ZNF71: variants seen among roughly 807,000 people sequenced by gnomAD.
ZNF71 encodes zinc finger protein 71.
Under a neutral mutation model 6.7 loss-of-function variants are expected in ZNF71, and 3 were observed. That is an observed-to-expected ratio of 0.45 (90% CI 0.20 to 1.16). ZNF71 has a LOEUF of 1.16. Ranked by LOEUF, ZNF71 falls within the 50% of genes most tolerant of loss-of-function variation. ZNF71 has a pLI of 0.25. For synonymous variants in ZNF71, 343 were observed against 311.1 expected, an observed-to-expected ratio of 1.10 and a Z score of -1.08; for missense variants, 688 against 728.6, an observed-to-expected ratio of 0.94 and a Z score of 0.64.
At chr19:56,600,245 C>T (rs1288320839) in intron 1 of ZNF71, among the ~76,000 whole-genome samples, 2 of 12,470 alleles carry the variant, frequency 1.6e-4, no homozygotes, top group African/African-American at 4.7e-4. Flanking sequence ...GGTCGGACTG[C>T]GGACTGCAGT....
chr19:56,605,461 C>T (rs1568504634), intron 2 of ZNF71, among the ~76,000 whole-genome samples: 1 of 152,224 alleles, frequency 6.6e-6, no homozygotes, highest in East Asian at 1.9e-4. Flanking sequence ...CAGCTGCCAT[C>T]CAACTGCCAC....
At chr19:56,600,786 A>G (rs2044664676) in intron 1 of ZNF71, among the ~76,000 whole-genome samples, 1 of 152,160 alleles carries the variant, frequency 6.6e-6, no homozygotes, top group South Asian at 2.1e-4. Flanking sequence ...ATGTTAAGAT[A>G]TCTCTCCACT....
chr19:56,596,748 A>G (rs2044628515), intron 1 of ZNF71, among the ~76,000 whole-genome samples: 1 of 152,196 alleles, frequency 6.6e-6, no homozygotes, highest in Non-Finnish European at 1.5e-5. Context: ...TGACTCACCC[A>G]AGGCTACCTC....
At chr19:56,602,497 G>GATAATAAATGATAAT (rs2044678517) in intron 2 of ZNF71, among the ~76,000 whole-genome samples, 1 of 152,110 alleles carries the variant, frequency 6.6e-6, no homozygotes, top group Non-Finnish European at 1.5e-5. Context: ...GTGCAATATT[G>GATAATAAATGATAAT]CACCATGATA....
At position 56,622,349 on chromosome 19, in the gene ZNF71, C is replaced by T. The variant is rs1432917707; in HGVS notation, c.1242C>T (p.Phe414=). The part of the protein sequence containing the change: ...HQRFHIGVKP[F]ECSECGKAFS... ...GCTTCCACATCGGCGTGAAGCCGTT[C>T]GAGTGCAGCGAGTGCGGCAAGGCCT... Residue 414 remains phenylalanine (F), a synonymous_variant, in exon 4 of 4, where the codon TTC becomes TTT. Coordinates refer to ENST00000599599, the MANE Select transcript of ZNF71 (RefSeq NM_001370215.1). 2.5e-6 allele frequency: 4 copies of T among 1,612,496 alleles called. No homozygotes were observed. The highest frequency in any genetic ancestry group is 3.4e-6 in the Non-Finnish European group (4 of 1,179,288).
chr19:56,613,875 C>T lies in ZNF71; in HGVS notation c.97C>T (p.Pro33Ser). The T allele has an allele frequency of 1.6e-5, 18 of 1,116,112 alleles. No homozygotes were observed. Among genetic ancestry groups the T allele is most frequent in the Non-Finnish European group, 1.9e-5 (17 of 896,240 alleles). The allele number at this position is 1,116,112 out of a possible 1,614,324, so 69.1% of individuals were successfully genotyped here. A position where few individuals can be genotyped will look rare whatever the true frequency, so the allele number is the denominator to read the frequency against. ...CCAGGAGGAGTGGCAGCAGCTGGAG[C>T]CTGCCCAGAAGGACCTGTACAGGGA... ...FTQEEWQQLE[P>S]AQKDLYRDVM... The change falls in exon 3 of 4, where the codon CCT (proline) becomes TCT (serine). Residue 33 changes from proline (P) to serine (S), a missense_variant. By Grantham distance (74) the Pro-to-Ser change is moderately conservative (BLOSUM62 -1). Coordinates refer to ENST00000599599, the MANE Select transcript of ZNF71 (RefSeq NM_001370215.1). This position sits in a 1 kb window ranked among gnomAD's most constrained non-coding sequence, Gnocchi z 4.6.
chr19:56,612,691 G>A (rs1568506611), intron 2 of ZNF71, among the ~76,000 whole-genome samples: 1 of 152,154 alleles, frequency 6.6e-6, no homozygotes, highest in Non-Finnish European at 1.5e-5. Context: ...CACTATTCAG[G>A]TGATGGGTGC....
rs73625146 is a variant in ZNF71 at position 56,622,923 on chromosome 19, C to G, written c.*166C>G. 9 of 878,436 alleles carry G rather than the reference C, an allele frequency of 1.0e-5. No homozygotes were observed. The highest frequency in any genetic ancestry group is 1.9e-5 in the South Asian group (1 of 53,992). The allele number at this position is 878,436 out of a possible 1,614,324, so 54.4% of individuals were successfully genotyped here. On this transcript the variant is annotated 3_prime_UTR_variant, in exon 4 of 4. Transcript: ENST00000599599. ...GGGGCTGGCTGATCACACATGCCCC[C>G]TCCTTACTGAGCCTCAGAAAGCAAG...
chr19:56,616,074 AT>A (rs34162339), intron 3 of ZNF71, among the ~76,000 whole-genome samples: 110,361 of 151,992 alleles, frequency 0.73, 40,456 homozygotes, highest in East Asian at 1. Flanking sequence ...CAGTTTATCA[AT>A]TTTTTTTGGT....
chr19:56,616,458 G>A (rs566412643), intron 3 of ZNF71, among the ~76,000 whole-genome samples: 1 of 152,302 alleles, frequency 6.6e-6, no homozygotes, highest in African/African-American at 2.4e-5. Flanking sequence ...GCCCAGTCTA[G>A]AATGACATTC....
At chr19:56,620,725 G>A (rs1475610174) in intron 3 of ZNF71, among the ~76,000 whole-genome samples, 6 of 151,998 alleles carry the variant, frequency 3.9e-5, no homozygotes, top group Non-Finnish European at 7.4e-5. Flanking sequence ...TAGTAGAGGC[G>A]GGGGTGGGGG....
intron 2 of ZNF71, among the ~76,000 whole-genome samples, chr19:56,604,789 G>A (rs1253092968): frequency 6.6e-6 from 1 of 152,214 alleles, no homozygotes; most frequent in African/African-American, 2.4e-5. Flanking sequence ...AGAGGGACTA[G>A]CCAGCGGGGG....
At chr19:56,612,746 C>G (rs2044761478) in intron 2 of ZNF71, among the ~76,000 whole-genome samples, 1 of 152,048 alleles carries the variant, frequency 6.6e-6, no homozygotes, top group Admixed American at 6.5e-5. Context: ...TCCCTGTAAC[C>G]AAAAATTACC....
At position 56,622,646 on chromosome 19, in the gene ZNF71, C is replaced by T. The variant is rs2044871160; in HGVS notation, c.1539C>T (p.Leu513=). ...CGKSFIKNSS[L]TVHQRIHTGE... ...AGTCCTTCATCAAGAACTCCTCCCT[C>T]ACTGTGCACCAGCGGATCCACACGG... Residue 513 remains leucine (L), a synonymous_variant, in exon 4 of 4, where the codon CTC becomes CTT. Coordinates refer to ENST00000599599, the MANE Select transcript of ZNF71 (RefSeq NM_001370215.1). 6.2e-7 allele frequency: 1 copy of T among 1,614,112 alleles called. No homozygotes were observed. The highest frequency in any genetic ancestry group is 1.7e-4 in the Middle Eastern group (1 of 6,060).
At chr19:56,620,524 T>C (rs1489499403) in intron 3 of ZNF71, among the ~76,000 whole-genome samples, 1 of 151,904 alleles carries the variant, frequency 6.6e-6, no homozygotes, top group Non-Finnish European at 1.5e-5. Flanking sequence ...CTTTTTTCAA[T>C]ATTTATTTAT....
chr19:56,608,287 C>A (rs1488622124), intron 2 of ZNF71, among the ~76,000 whole-genome samples: 2 of 152,014 alleles, frequency 1.3e-5, no homozygotes, highest in African/African-American at 4.8e-5. Context: ...TTCCATCCCC[C>A]TCCCCTCCGC....
In ZNF71 at chr19:56,615,201, T is replaced by C. The variant is rs79323582; in HGVS notation, c.160+1263T>C. On this transcript the variant is annotated intron_variant, in intron 3 of 3. Coordinates refer to ENST00000599599, the MANE Select transcript of ZNF71 (RefSeq NM_001370215.1). ...TTACAAATAAAGCTGCTGTGAACAT[T>C]TGTGAACAGTTCTTTGTGTAGACAT... is the stretch of plus-strand genomic sequence containing the variant. Among the ~76,000 whole-genome samples, 1,166 of 152,340 alleles carry C rather than the reference T, an allele frequency of 7.7e-3. 20 individuals are homozygous for C. Among genetic ancestry groups the C allele is most frequent in the African/African-American group, 0.026 (1,065 of 41,574 alleles).
intron 2 of ZNF71, among the ~76,000 whole-genome samples, chr19:56,612,348 GAA>G (rs57596667): frequency 0.055 from 8,303 of 152,022 alleles, 738 homozygotes; most frequent in African/African-American, 0.18. Flanking sequence ...CATAGATAAA[GAA>G]AATGTGATAC....
At chr19:56,605,030 G>A (rs1327865149) in intron 2 of ZNF71, among the ~76,000 whole-genome samples, 1 of 152,228 alleles carries the variant, frequency 6.6e-6, no homozygotes, top group East Asian at 1.9e-4. Context: ...CCAGCCTAGA[G>A]TGGCCAGATA....
Sources: allele counts gnomAD v4.1 joint callset (sites outside exome capture counted in the v4.1 genomes callset), GRCh38; gene constraint gnomAD v4.1.1; non-coding constraint Gnocchi (gnomAD v3.1); transcripts MANE v1.5; gene names NCBI Gene and HGNC (gene_info 2026-07-23, HGNC 2026-07-21).